MYO9A: variants seen among roughly 807,000 people sequenced by gnomAD.
MYO9A encodes the protein unconventional myosin-IXa.
MYO9A carries 103 observed loss-of-function variants against 293.3 expected under a neutral mutation model. The observed-to-expected ratio is 0.35, with a 90% CI of 0.30 to 0.41. The LOEUF (loss-of-function observed/expected upper bound fraction) is 0.41, where lower values mean the gene tolerates loss of function less well. Among genes scored for constraint, MYO9A ranks in the 10% least tolerant of loss-of-function variants. The pLI is 1.00. For synonymous variants in MYO9A, 1,001 were observed against 1,035.7 expected (o/e 0.97, Z 0.64); for missense variants, 2,685 against 3,033.0 (o/e 0.89, Z 2.69).
At chr15:72,074,954 T>G (rs1233042450) in intron 1 of MYO9A, among the ~76,000 whole-genome samples, 1 of 118,800 alleles carries the variant, frequency 8.4e-6, no homozygotes, top group Non-Finnish European at 1.8e-5. Flanking sequence ...TCACTGCCTT[T>G]TTTTTTTTTT....
At chr15:71,990,258 T>C (rs1046267137) in intron 11 of MYO9A, among the ~76,000 whole-genome samples, 3 of 151,832 alleles carry the variant, frequency 2.0e-5, no homozygotes, top group South Asian at 2.1e-4. Flanking sequence ...TTAATTTTTA[T>C]ATTTTTTGTA....
At chr15:71,979,300 C>A (rs187618800) in intron 11 of MYO9A, among the ~76,000 whole-genome samples, 20 of 152,182 alleles carry the variant, frequency 1.3e-4, no homozygotes, top group Non-Finnish European at 2.2e-4. Flanking sequence ...AAAGGTCACT[C>A]CCCAATGGCA....
chr15:71,893,207 AC>A (rs1172882240), intron 26 of MYO9A: 1 of 1,235,082 alleles, frequency 8.1e-7, no homozygotes, highest in East Asian at 5.6e-5. Context: ...AACAAATAAC[AC>A]AACAATGTTT....
rs139347809 is a variant in MYO9A at position 72,049,946 on chromosome 15, A to G, written c.-71-3312T>C. ...ATATGGCAGCCCTGGAAGTAAACTTAGAAACATCTTTTTTAACAGGAGTCC... is the reference window on the plus strand; with the variant it reads ...ATATGGCAGCCCTGGAAGTAAACTTGGAAACATCTTTTTTAACAGGAGTCC... On this transcript the variant is annotated intron_variant, in intron 1 of 41. Coordinates refer to ENST00000356056, the MANE Select transcript of MYO9A (RefSeq NM_006901.4). 4.7e-3 allele frequency among the ~76,000 whole-genome samples: 717 copies of G among 152,352 alleles called. 12 individuals are homozygous for G. Among genetic ancestry groups the G allele is most frequent in the Non-Finnish European group, 3.6e-3 (248 of 68,032 alleles).
chr15:71,935,334 T>C lies in MYO9A; in HGVS notation c.2522+7A>G. ...AAAAACAATTTACATTACTGATTAG[T>C]ACTGACGTGAGAATTCCATGGGCTC... On this transcript the variant is annotated splice_region_variant and intron_variant, in intron 17 of 41. Transcript: ENST00000356056. The C allele has an allele frequency of 6.2e-7, 1 of 1,612,700 alleles. No homozygotes were observed. The highest frequency in any genetic ancestry group is 8.5e-7 in the Non-Finnish European group (1 of 1,179,154).
chr15:72,015,930 C>T (rs1181573944), intron 6 of MYO9A, among the ~76,000 whole-genome samples: 2 of 151,870 alleles, frequency 1.3e-5, no homozygotes, highest in African/African-American at 2.4e-5. Context: ...CCTCGTGATC[C>T]GCCCACCTCA....
At chr15:72,077,639 G>A (rs2079395970) in intron 1 of MYO9A, among the ~76,000 whole-genome samples, 1 of 151,180 alleles carries the variant, frequency 6.6e-6, no homozygotes, top group Admixed American at 6.6e-5. Flanking sequence ...GGTGGTGGCA[G>A]GGTGGCGGGG....
intron 1 of MYO9A, among the ~76,000 whole-genome samples, chr15:72,105,980 T>C (rs1209127140): frequency 1.3e-5 from 2 of 151,948 alleles, no homozygotes; most frequent in South Asian, 2.1e-4. Context: ...TATATACCAA[T>C]ACGAAGTCCT....
At chr15:72,084,808 G>A (rs12916298) in intron 1 of MYO9A, among the ~76,000 whole-genome samples, 2,107 of 152,286 alleles carry the variant, frequency 0.014, 22 homozygotes, top group East Asian at 0.025. Flanking sequence ...CTGGCTTGTA[G>A]AGTTTCTGCT....
At chr15:71,877,944 A>T (rs2056744203) in intron 31 of MYO9A, 96 bp downstream of exon 31, 4 of 1,112,168 alleles carry the variant, frequency 3.6e-6, no homozygotes. Flanking sequence ...TCAAAATAAA[A>T]TTTTTCTCAA....
In MYO9A at chr15:71,914,127, C is replaced by T. The variant is rs541824292; in HGVS notation, c.2685+2243G>A. ...TCCTTCTCCTCTTTACTCTGCCTCA[C>T]AAATTCTAGTTGCCTCTACCTTTCT... On this transcript the variant is annotated intron_variant, in intron 19 of 41. Transcript: ENST00000356056. Among the ~76,000 whole-genome samples, 3 of 152,250 alleles carry T rather than the reference C, an allele frequency of 2.0e-5. No homozygotes were observed. The South Asian group carries it at 6.2e-4, about 32-fold the overall frequency.
At chr15:71,934,984 T>C (rs955145082) in intron 17 of MYO9A, among the ~76,000 whole-genome samples, 7 of 151,972 alleles carry the variant, frequency 4.6e-5, no homozygotes, top group African/African-American at 1.4e-4. Flanking sequence ...CTAGAATTAA[T>C]GGATAATTAT....
chr15:72,004,027 G>A (rs931390173), intron 8 of MYO9A, among the ~76,000 whole-genome samples: 33 of 152,146 alleles, frequency 2.2e-4, no homozygotes, highest in African/African-American at 7.7e-4. Context: ...ATAGATCTAC[G>A]CATACCCACA....
chr15:72,002,714 A>G (rs2076903794), intron 8 of MYO9A, among the ~76,000 whole-genome samples: 1 of 152,170 alleles, frequency 6.6e-6, no homozygotes, highest in South Asian at 2.1e-4. Flanking sequence ...TAGAAACAAG[A>G]GTAGGAATGA....
At chr15:72,040,892 C>T (rs1315902573) in intron 2 of MYO9A, among the ~76,000 whole-genome samples, 1 of 151,974 alleles carries the variant, frequency 6.6e-6, no homozygotes, top group Non-Finnish European at 1.5e-5. Context: ...ACAAGCAGTA[C>T]CTAGGAAAGA....
chr15:72,014,735 GAGAGAGAAAGAAA>G, intron 6 of MYO9A, among the ~76,000 whole-genome samples: 1 of 147,482 alleles, frequency 6.8e-6, no homozygotes, highest in African/African-American at 2.5e-5. Flanking sequence ...AGAAGAGAGA[GAGAGAGAAAGAAA>G]GGAAAGAAAG....
intron 33 of MYO9A, among the ~76,000 whole-genome samples, chr15:71,861,410 A>G (rs1014729583): frequency 1.3e-5 from 2 of 150,414 alleles, no homozygotes; most frequent in African/African-American, 2.4e-5. Context: ...TCTACAAAGA[A>G]TCTCTACTCA....
chr15:72,089,557 A>T (rs958599371), intron 1 of MYO9A, among the ~76,000 whole-genome samples: 11 of 152,034 alleles, frequency 7.2e-5, no homozygotes, highest in Non-Finnish European at 1.3e-4. Context: ...AGGGAGGAGG[A>T]TCACTTGAGG....
intron 6 of MYO9A, among the ~76,000 whole-genome samples, chr15:72,013,152 G>T (rs2077223464): frequency 6.6e-6 from 1 of 152,170 alleles, no homozygotes; most frequent in Non-Finnish European, 1.5e-5. Context: ...TAAAAGAGAA[G>T]ACAGACTAAA....
Sources: gnomAD v4.1 joint callset for allele counts (sites outside exome capture counted in the v4.1 genomes callset) on GRCh38, gnomAD v4.1.1 for gene constraint, MANE v1.5 for transcripts, NCBI Gene and HGNC (gene_info 2026-07-23, HGNC 2026-07-21) for gene names.